NR2E1: variants seen among roughly 807,000 people sequenced by gnomAD.
NR2E1 encodes nuclear receptor subfamily 2 group E member 1, also known as nuclear receptor TLX.
NR2E1 carries 5 observed loss-of-function variants against 43.6 expected under a neutral mutation model. The ratio of observed to expected loss-of-function variants is 0.11; its 90% CI spans 0.06 to 0.24. The LOEUF (loss-of-function observed/expected upper bound fraction) is 0.24, where lower values mean the gene tolerates loss of function less well. Ranked by LOEUF, NR2E1 falls within the 10% of genes least tolerant of loss-of-function variation. The pLI, the probability that NR2E1 is intolerant of heterozygous loss-of-function variation, is 1.00. For synonymous variants in NR2E1, 191 were observed against 195.5 expected, an observed-to-expected ratio of 0.98 and a Z score of 0.19; for missense variants, 287 against 496.7, an observed-to-expected ratio of 0.58 and a Z score of 4.01.
At chr6:108,172,590 G>A (rs1232730966) in intron 2 of NR2E1, among the ~76,000 whole-genome samples, 1 of 152,164 alleles carries the variant, frequency 6.6e-6, no homozygotes, top group Non-Finnish European at 1.5e-5. Context: ...CATTTCACTT[G>A]TGGAAAGATC....
At chr6:108,172,903 G>A (rs979543830) in intron 2 of NR2E1, among the ~76,000 whole-genome samples, 4 of 152,142 alleles carry the variant, frequency 2.6e-5, no homozygotes, top group Admixed American at 6.5e-5. Flanking sequence ...CATTTTACAC[G>A]CATAGGACTG....
intron 2 of NR2E1, among the ~76,000 whole-genome samples, chr6:108,173,837 A>G (rs2035072263): frequency 6.6e-6 from 1 of 152,254 alleles, no homozygotes; most frequent in South Asian, 2.1e-4. Context: ...CTAACACTGA[A>G]TAAATTCCAA....
chr6:108,174,418 G>A (rs1217994676), intron 2 of NR2E1, among the ~76,000 whole-genome samples: 1 of 152,170 alleles, frequency 6.6e-6, no homozygotes, highest in Non-Finnish European at 1.5e-5. Context: ...CTTAACGGAA[G>A]GAACTTAGTG....
chr6:108,168,169 C>A, intron 1 of NR2E1: 2 of 1,575,384 alleles, frequency 1.3e-6, no homozygotes, highest in Non-Finnish European at 8.6e-7. Context: ...GGAGGTAAAG[C>A]GACCTCGATT....
intron 8 of NR2E1, among the ~76,000 whole-genome samples, chr6:108,186,874 C>G (rs1774084228): frequency 1.3e-5 from 2 of 151,990 alleles, no homozygotes; most frequent in African/African-American, 4.8e-5. Context: ...GAAAAAGAAG[C>G]CATTTTATTT....
intron 1 of NR2E1, among the ~76,000 whole-genome samples, chr6:108,168,501 T>C (rs1298050204): frequency 3.3e-5 from 5 of 152,152 alleles, no homozygotes; most frequent in Non-Finnish European, 7.4e-5. Context: ...CTCCGGACTT[T>C]GGGGGAAAAA....
At chr6:108,171,851 TA>T (rs1406071643) in intron 2 of NR2E1, among the ~76,000 whole-genome samples, 1 of 152,170 alleles carries the variant, frequency 6.6e-6, no homozygotes, top group East Asian at 1.9e-4. Flanking sequence ...TACACTTTTT[TA>T]AATTATTATT....
In NR2E1 at chr6:108,169,630, A is replaced by G. The variant is rs997924732; in HGVS notation, c.26-1828A>G. Among the ~76,000 whole-genome samples the G allele has an allele frequency of 2.0e-5, 3 of 152,128 alleles. No individual in the cohort carries two copies. Among genetic ancestry groups the G allele is most frequent in the Non-Finnish European group, 4.4e-5 (3 of 68,004 alleles). On this transcript the variant is annotated intron_variant, in intron 1 of 8. Coordinates refer to ENST00000368986, the MANE Select transcript of NR2E1 (RefSeq NM_003269.5). This position sits in a 1 kb window ranked among gnomAD's most constrained non-coding sequence, Gnocchi z 6.1. ...ACCGCTTCCAGAGTGAGTGCAGTGC[A>G]GCGGAGCTCCAGACCCGGTTCCTGA...
intron 8 of NR2E1, among the ~76,000 whole-genome samples, chr6:108,186,377 A>G (rs1487583003): frequency 2.0e-5 from 3 of 152,288 alleles, no homozygotes; most frequent in South Asian, 4.1e-4. Context: ...CTTTATTTGC[A>G]GGGTGGAGTT....
chr6:108,166,934 C>T lies in NR2E1; in HGVS notation c.25+144C>T. ...GCGGGCGTGTGCGTTCGGCCCAGACCTGTAGACCGTGAGTTGGAGCATTTC... is the reference window on the plus strand; with the variant it reads ...GCGGGCGTGTGCGTTCGGCCCAGACTTGTAGACCGTGAGTTGGAGCATTTC... On this transcript the variant is annotated intron_variant, in intron 1 of 8. Coordinates refer to ENST00000368986, the MANE Select transcript of NR2E1 (RefSeq NM_003269.5). The surrounding 1 kb of genome is among the most constrained non-coding windows in gnomAD (Gnocchi z 7.2). 1 of 879,324 alleles carries T rather than the reference C, an allele frequency of 1.1e-6. No homozygotes were observed. Among genetic ancestry groups the T allele is most frequent in the Non-Finnish European group, 1.8e-6 (1 of 556,734 alleles). The allele number at this position is 879,324 out of a possible 1,614,324, so 54.5% of individuals were successfully genotyped here.
intron 4 of NR2E1, 54 bp downstream of exon 4, chr6:108,176,792 G>A: frequency 6.8e-7 from 1 of 1,474,174 alleles, no homozygotes; most frequent in Non-Finnish European, 9.1e-7. Context: ...GGAGAGGGAC[G>A]CACCCAGTTC....
intron 4 of NR2E1, among the ~76,000 whole-genome samples, chr6:108,177,771 C>T (rs1386277621): frequency 6.6e-6 from 1 of 152,170 alleles, no homozygotes; most frequent in African/African-American, 2.4e-5. Context: ...GCAAGCAGCT[C>T]TTGTCTAAAT....
intron 2 of NR2E1, among the ~76,000 whole-genome samples, chr6:108,172,299 C>T (rs1207748268): frequency 1.3e-5 from 2 of 152,348 alleles, no homozygotes; most frequent in East Asian, 3.9e-4. Flanking sequence ...GAAGGTGCAA[C>T]TGGGACCCTC....
In NR2E1 at chr6:108,187,356, C is replaced by T. The variant is rs375980051; in HGVS notation, c.1051C>T (p.Arg351Cys). ...GKLLLLLPAL[R>C]SISPSTIEEV... ...ACTCCTGTTGCTTTTGCCAGCTTTACGTTCTATTAGCCCATCAACTATAGA... is the reference window on the plus strand; with the variant it reads ...ACTCCTGTTGCTTTTGCCAGCTTTATGTTCTATTAGCCCATCAACTATAGA... The change falls in exon 9 of 9, where the codon CGT (arginine) becomes TGT (cysteine). Residue 351 changes from arginine (R) to cysteine (C), a missense_variant. Coordinates refer to ENST00000368986, the MANE Select transcript of NR2E1 (RefSeq NM_003269.5). 8 of 1,613,984 alleles carry T rather than the reference C, an allele frequency of 5.0e-6. No individual in the cohort carries two copies. The highest frequency in any genetic ancestry group is 3.3e-5 in the Admixed American group (2 of 60,016).
At chr6:108,172,114 C>A (rs1012385604) in intron 2 of NR2E1, among the ~76,000 whole-genome samples, 9 of 152,200 alleles carry the variant, frequency 5.9e-5, no homozygotes, top group African/African-American at 9.6e-5. Flanking sequence ...CTGAGACCAC[C>A]AAGTGAGTGC....
In NR2E1 at chr6:108,166,246, C is replaced by G. The variant is rs1252977128; in HGVS notation, c.-520C>G. ...GCTTGGGTTCCGGCAGCGCGGAGCC[C>G]GTCTGCCTCTGAGACTGCGGTAGTG... On this transcript the variant is annotated 5_prime_UTR_variant, in exon 1 of 9. Coordinates refer to ENST00000368986, the MANE Select transcript of NR2E1 (RefSeq NM_003269.5). The surrounding 1 kb of genome is among the most constrained non-coding windows in gnomAD (Gnocchi z 7.2). 2 of 152,732 alleles carry G rather than the reference C, an allele frequency of 1.3e-5. No individual in the cohort carries two copies. Among genetic ancestry groups the G allele is most frequent in the Non-Finnish European group, 2.9e-5 (2 of 68,200 alleles). 9.5% of individuals were successfully genotyped at this position (152,732 alleles called of 1,614,324 possible). A position where few individuals can be genotyped will look rare whatever the true frequency, so the allele number is the denominator to read the frequency against.
intron 7 of NR2E1, among the ~76,000 whole-genome samples, chr6:108,181,329 G>A (rs1346671881): frequency 6.6e-6 from 1 of 152,084 alleles, no homozygotes; most frequent in Non-Finnish European, 1.5e-5. Context: ...AAGTAGCTGG[G>A]ATTACAGACA....
chr6:108,172,289 G>C (rs1286853888), intron 2 of NR2E1, among the ~76,000 whole-genome samples: 2 of 152,230 alleles, frequency 1.3e-5, no homozygotes, highest in Non-Finnish European at 2.9e-5. Context: ...GATTCAAAAG[G>C]AAGGTGCAAC....
chr6:108,187,174 C>T, intron 8 of NR2E1, 127 bp from the exon 9 acceptor site: 1 of 1,129,406 alleles, frequency 8.9e-7, no homozygotes. Flanking sequence ...AACTTTGCTG[C>T]AGGGATACTG....
Sources: allele counts gnomAD v4.1 joint callset (sites outside exome capture counted in the v4.1 genomes callset), GRCh38; gene constraint gnomAD v4.1.1; non-coding constraint Gnocchi (gnomAD v3.1); transcripts MANE v1.5; gene names NCBI Gene and HGNC (gene_info 2026-07-23, HGNC 2026-07-21).